The following DNM3 variants were observed in gnomAD, a reference collection of about 807,000 sequenced individuals.
The protein encoded by DNM3 is dynamin-3.
DNM3 carries 47 observed loss-of-function variants against 101.6 expected under a neutral mutation model. The observed-to-expected ratio is 0.46, with a 90% CI of 0.37 to 0.59. DNM3 has a LOEUF of 0.59. Among genes scored for constraint, DNM3 ranks in the 20% least tolerant of loss-of-function variants. The pLI is 0.00. For synonymous variants in DNM3, 385 were observed against 387.9 expected, an observed-to-expected ratio of 0.99 and a Z score of 0.09; for missense variants, 849 against 1,085.7, an observed-to-expected ratio of 0.78 and a Z score of 3.06.
At position 171,874,861 on chromosome 1, in the gene DNM3, A is replaced by C. The variant is rs6663127; in HGVS notation, c.161+33044A>C. 6.4e-3 allele frequency among the ~76,000 whole-genome samples: 962 copies of C among 151,204 alleles called. 9 individuals carry two copies. The highest frequency in any genetic ancestry group is 0.022 in the African/African-American group (905 of 41,126). ...CTAGTAGCCCCCAGTGGCTATTGTC[A>C]TCTTTATGTTCATGAGTACCCAATG... is the stretch of plus-strand genomic sequence containing the variant. On this transcript the variant is annotated intron_variant, in intron 1 of 20. Coordinates refer to ENST00000627582, the MANE Select transcript of DNM3 (RefSeq NM_015569.5).
intron 6 of DNM3, among the ~76,000 whole-genome samples, chr1:172,034,958 C>T (rs1219959375): frequency 6.6e-6 from 1 of 151,816 alleles, no homozygotes; most frequent in Non-Finnish European, 1.5e-5. Context: ...AGAGGAACAA[C>T]AAGATCAGAT....
At chr1:172,385,717 T>A (rs1426617995) in intron 18 of DNM3, among the ~76,000 whole-genome samples, 1 of 152,218 alleles carries the variant, frequency 6.6e-6, no homozygotes, top group Non-Finnish European at 1.5e-5. Context: ...ATTTGGAGCA[T>A]CTGACAGCTG....
chr1:172,211,670 A>ATGT (rs1294018822), intron 14 of DNM3, among the ~76,000 whole-genome samples: 2 of 152,148 alleles, frequency 1.3e-5, no homozygotes, highest in Admixed American at 1.3e-4. Flanking sequence ...TCTAGTTTAA[A>ATGT]ACAATTTTTT....
At chr1:172,127,642 C>T (rs2056715841) in intron 13 of DNM3, among the ~76,000 whole-genome samples, 1 of 151,824 alleles carries the variant, frequency 6.6e-6, no homozygotes, top group African/African-American at 2.4e-5. Context: ...ATCCCCTGAC[C>T]TCGTGATACA....
In DNM3 at chr1:171,994,195, T is replaced by C. The variant is rs555711792; in HGVS notation, c.589+5047T>C. Among the ~76,000 whole-genome samples the C allele has an allele frequency of 1.8e-4, 28 of 152,270 alleles. No individual in the cohort carries two copies. In the East Asian group the frequency reaches 4.4e-3, roughly 24 times the overall value. ...AAATTTTTTTGTTGAAAATTAGATA[T>C]TTAAATAATGTGATGTGGCAGCACT... On this transcript the variant is annotated intron_variant, in intron 4 of 20. Transcript: ENST00000627582.
intron 14 of DNM3, among the ~76,000 whole-genome samples, chr1:172,202,081 A>G (rs1461471269): frequency 2.0e-5 from 3 of 152,144 alleles, no homozygotes; most frequent in East Asian, 1.9e-4. Context: ...ATTAGCCCCA[A>G]TGTGAGTACC....
At chr1:172,212,142 G>GA (rs1383826958) in intron 14 of DNM3, among the ~76,000 whole-genome samples, 1 of 151,776 alleles carries the variant, frequency 6.6e-6, no homozygotes, top group African/African-American at 2.4e-5. Context: ...TGATAAATGA[G>GA]AAAAAAAGGA....
intron 14 of DNM3, among the ~76,000 whole-genome samples, chr1:172,188,841 T>C (rs1261924609): frequency 6.6e-6 from 1 of 152,108 alleles, no homozygotes; most frequent in East Asian, 1.9e-4. Flanking sequence ...TTATCTCTAT[T>C]TGGCATTGTC....
intron 19 of DNM3, among the ~76,000 whole-genome samples, chr1:172,388,252 G>A (rs143792917): frequency 8.7e-4 from 133 of 152,084 alleles, no homozygotes; most frequent in African/African-American, 3.1e-3. Flanking sequence ...AAAAAAGGAG[G>A]TTGTAGAAGA....
chr1:172,414,902 TA>T (rs138381362), downstream of DNM3, among the ~76,000 whole-genome samples: 11,618 of 119,130 alleles, frequency 0.098, 2,518 homozygotes, highest in African/African-American at 0.37. Context: ...ACCTCATCTC[TA>T]AAAAAAAAAA....
intron 13 of DNM3, among the ~76,000 whole-genome samples, chr1:172,117,419 C>T (rs2055990899): frequency 6.6e-6 from 1 of 152,068 alleles, no homozygotes; most frequent in African/African-American, 2.4e-5. Flanking sequence ...GTAATTGAAT[C>T]ATTGGGGCCA....
chr1:172,253,753 T>A (rs1046521768), intron 15 of DNM3, 71 bp downstream of exon 15: 3 of 967,482 alleles, frequency 3.1e-6, no homozygotes, highest in East Asian at 5.7e-5. Flanking sequence ...GAGATCATAT[T>A]TGAAAATAGT....
At chr1:172,365,315 A>G (rs1231168270) in intron 17 of DNM3, among the ~76,000 whole-genome samples, 1 of 151,978 alleles carries the variant, frequency 6.6e-6, no homozygotes, top group Non-Finnish European at 1.5e-5. Context: ...AGACGGAACA[A>G]GGTTGGCCAT....
intron 15 of DNM3, among the ~76,000 whole-genome samples, chr1:172,301,016 G>T (rs1191639258): frequency 6.6e-6 from 1 of 152,206 alleles, no homozygotes; most frequent in Non-Finnish European, 1.5e-5. Context: ...TCTGGGGAAG[G>T]TCTAGACAGG....
At chr1:171,856,355 G>A (rs921821505) in intron 1 of DNM3, among the ~76,000 whole-genome samples, 4 of 152,072 alleles carry the variant, frequency 2.6e-5, no homozygotes, top group African/African-American at 7.2e-5. Flanking sequence ...TGGCTACTTG[G>A]CTGTTTTTTG....
chr1:172,064,089 A>G (rs930393858), intron 10 of DNM3, among the ~76,000 whole-genome samples: 1 of 152,194 alleles, frequency 6.6e-6, no homozygotes, highest in Admixed American at 6.5e-5. Flanking sequence ...CAGTTGCACC[A>G]TGAATGACTG....
Position 171,938,258 on chromosome 1 carries a change from T to C in DNM3, c.235+16437T>C, listed in dbSNP as rs1031544871. The stretch of plus-strand genomic sequence containing the variant: ...ATCAGAGGTTGAAATTCTAATAGCA[T>C]CAAGGTTTTTTTTTTGTTTGTTACA... On this transcript the variant is annotated intron_variant, in intron 2 of 20. Transcript: ENST00000627582. Among the ~76,000 whole-genome samples the C allele has an allele frequency of 2.4e-4, 37 of 152,010 alleles. 1 individual carries two copies. The highest frequency in any genetic ancestry group is 1.9e-3 in the Admixed American group (29 of 15,258).
intron 15 of DNM3, among the ~76,000 whole-genome samples, chr1:172,281,785 T>A (rs1257440630): frequency 6.6e-6 from 1 of 152,122 alleles, no homozygotes; most frequent in Non-Finnish European, 1.5e-5. Context: ...CTCACTGAGA[T>A]AAATGTTCCT....
intron 4 of DNM3, among the ~76,000 whole-genome samples, chr1:172,025,205 GC>G (rs1351893134): frequency 1.3e-5 from 2 of 152,226 alleles, no homozygotes; most frequent in Non-Finnish European, 2.9e-5. Flanking sequence ...ACTGGGTGGA[GC>G]CCACTGCAGC....
Sources: allele counts gnomAD v4.1 joint callset (sites outside exome capture counted in the v4.1 genomes callset), GRCh38; gene constraint gnomAD v4.1.1; transcripts MANE v1.5; gene names NCBI Gene and HGNC (gene_info 2026-07-23, HGNC 2026-07-21).